The following STIM1 variants were observed in gnomAD, a reference collection of about 807,000 sequenced individuals.
STIM1 encodes the protein stromal interaction molecule 1.
A neutral mutation model predicts 74.7 loss-of-function variants in STIM1; 25 were observed. That is an observed-to-expected ratio of 0.33 (90% CI 0.24 to 0.47). The LOEUF is 0.47. Among genes scored for constraint, STIM1 ranks in the 20% least tolerant of loss-of-function variants. The probability of loss-of-function intolerance (pLI) is 1.00; values close to 1 mark genes in which losing one functional copy is unlikely to be tolerated. For missense variants in STIM1, 728 were observed against 920.8 expected (o/e 0.79, Z 2.71); for synonymous variants, 328 against 348.8 (o/e 0.94, Z 0.66).
chr11:3,962,078 A>G (rs2093292104), intron 1 of STIM1, among the ~76,000 whole-genome samples: 1 of 152,124 alleles, frequency 6.6e-6, no homozygotes, highest in South Asian at 2.1e-4. Context: ...AGTGTCTTAT[A>G]TTTTATTTTT....
At chr11:4,079,467 G>C (rs11030853) in intron 7 of STIM1, among the ~76,000 whole-genome samples, 66,819 of 151,046 alleles carry the variant, frequency 0.44, 16,896 homozygotes, top group Non-Finnish European at 0.57. Flanking sequence ...ACAGCTATTC[G>C]GGAGGCTCAG....
chr11:3,989,545 C>T (rs2093589718), intron 2 of STIM1: 2 of 562,542 alleles, frequency 3.6e-6, no homozygotes, highest in African/African-American at 1.9e-5. Context: ...TGCCTGGTCG[C>T]TGCCGCTCCT....
chr11:4,036,072 G>A (rs1022123581), intron 3 of STIM1, among the ~76,000 whole-genome samples: 5 of 152,016 alleles, frequency 3.3e-5, no homozygotes, highest in African/African-American at 7.2e-5. Flanking sequence ...TGTTCTCATC[G>A]TTGAGCTCTC....
intron 2 of STIM1, among the ~76,000 whole-genome samples, chr11:3,983,917 A>T (rs1396809584): frequency 6.6e-6 from 1 of 150,458 alleles, no homozygotes; most frequent in Non-Finnish European, 1.5e-5. Context: ...CTCAGGCTGG[A>T]GTACAGTGGC....
At chr11:3,996,716 C>G (rs1375651266) in intron 2 of STIM1, among the ~76,000 whole-genome samples, 2 of 152,178 alleles carry the variant, frequency 1.3e-5, no homozygotes, top group African/African-American at 4.8e-5. Context: ...GGCTGTGTGC[C>G]TTTAAGACCA....
intron 2 of STIM1, among the ~76,000 whole-genome samples, chr11:4,017,849 CAA>C (rs2093913158): frequency 6.6e-6 from 1 of 152,244 alleles, no homozygotes; most frequent in East Asian, 1.9e-4. Flanking sequence ...CATGTTATTG[CAA>C]TACCCACCTG....
chr11:3,985,272 A>T (rs571194103), intron 2 of STIM1, among the ~76,000 whole-genome samples: 130 of 151,958 alleles, frequency 8.6e-4, no homozygotes, highest in Non-Finnish European at 1.7e-3. Flanking sequence ...CAGGGATGAG[A>T]TATATTTGTA....
At chr11:3,882,092 C>CTTTTTTTTT (rs946580998) in intron 1 of STIM1, among the ~76,000 whole-genome samples, 9 of 92,332 alleles carry the variant, frequency 9.7e-5, no homozygotes, top group African/African-American at 1.8e-4. Flanking sequence ...CACTTCATTC[C>CTTTTTTTTT]TTTTTTTTTT....
intron 3 of STIM1, among the ~76,000 whole-genome samples, chr11:4,043,373 T>C (rs2094163362): frequency 6.6e-6 from 1 of 152,146 alleles, no homozygotes; most frequent in African/African-American, 2.4e-5. Flanking sequence ...CTGGGATTCT[T>C]TGTGGATATG....
chr11:4,015,421 T>C (rs191915479), intron 2 of STIM1, among the ~76,000 whole-genome samples: 1 of 152,348 alleles, frequency 6.6e-6, no homozygotes, highest in Admixed American at 6.5e-5. Context: ...CCACTGTTAG[T>C]CTGATGGGCT....
At chr11:4,024,044 G>A in intron 3 of STIM1, 57 bp downstream of exon 3, 1 of 1,447,598 alleles carries the variant, frequency 6.9e-7, no homozygotes, top group Non-Finnish European at 9.7e-7. Flanking sequence ...GAAGAGAGAA[G>A]CAGCAACTTG....
chr11:4,071,546 G>A (rs965740997), intron 6 of STIM1, among the ~76,000 whole-genome samples: 1 of 152,040 alleles, frequency 6.6e-6, no homozygotes, highest in Admixed American at 6.5e-5. Context: ...GTCTTGCTGT[G>A]TTGCCCAGGC....
intron 2 of STIM1, among the ~76,000 whole-genome samples, chr11:4,000,728 T>A (rs2093707586): frequency 3.9e-5 from 6 of 152,226 alleles, no homozygotes; most frequent in Admixed American, 3.9e-4. Context: ...GGAACAAAGC[T>A]GGACGGAGAA....
At chr11:3,961,967 G>T (rs963334942) in intron 1 of STIM1, among the ~76,000 whole-genome samples, 10 of 152,140 alleles carry the variant, frequency 6.6e-5, no homozygotes, top group Non-Finnish European at 1.5e-4. Context: ...CTACATTTTT[G>T]CTGTTAGCAT....
At chr11:3,989,397 C>T in intron 2 of STIM1, 1 of 758,010 alleles carries the variant, frequency 1.3e-6, no homozygotes. Context: ...CAGACAACCG[C>T]GCCGATCTCC....
intron 3 of STIM1, 61 bp from the exon 4 acceptor site, chr11:4,055,465 C>T: frequency 7.7e-7 from 1 of 1,300,798 alleles, no homozygotes; most frequent in Non-Finnish European, 1.1e-6. Flanking sequence ...GTCAGCATGA[C>T]AACAAATGAA....
At chr11:4,047,897 C>T (rs1007047837) in intron 3 of STIM1, among the ~76,000 whole-genome samples, 4 of 151,250 alleles carry the variant, frequency 2.6e-5, no homozygotes, top group Middle Eastern at 3.2e-3. Flanking sequence ...CAGCTCACTG[C>T]AACCTCCGCC....
intron 1 of STIM1, among the ~76,000 whole-genome samples, chr11:3,945,428 T>G (rs12224469): frequency 0.035 from 4,870 of 140,684 alleles, 183 homozygotes; most frequent in East Asian, 0.19. Context: ...AATAAAAAAA[T>G]AAAAAAAAAA....
Position 3,951,217 on chromosome 11 carries a change from C to T in STIM1, c.140-16335C>T, listed in dbSNP as rs34201680. On this transcript the variant is annotated intron_variant, in intron 1 of 12. Coordinates refer to ENST00000526596, the MANE Select transcript of STIM1 (RefSeq NM_001382567.1). Reference sequence around the variant, plus strand: ...CTGCTACCCCAGCTGAGAAAGGCATCCTGTAAGGAAGGGCTGCTCTTCAGC... The same window carrying T: ...CTGCTACCCCAGCTGAGAAAGGCATTCTGTAAGGAAGGGCTGCTCTTCAGC... Among the ~76,000 whole-genome samples the T allele has an allele frequency of 6.5e-3, 985 of 152,290 alleles. 21 individuals are homozygous for T. The highest frequency in any genetic ancestry group is 0.048 in the Admixed American group (728 of 15,294).
Sources: allele counts gnomAD v4.1 joint callset (sites outside exome capture counted in the v4.1 genomes callset), GRCh38; gene constraint gnomAD v4.1.1; transcripts MANE v1.5; gene names NCBI Gene and HGNC (gene_info 2026-07-23, HGNC 2026-07-21).